Variants in PCDH7 observed in about 807,000 individuals in gnomAD.
PCDH7 encodes protocadherin 7.
In PCDH7, 17 loss-of-function variants were observed where a neutral mutation model predicts 58.9. The observed-to-expected ratio is 0.29, with a 90% CI of 0.20 to 0.43. PCDH7 has a LOEUF of 0.43. Ranked by LOEUF, PCDH7 falls within the 20% of genes least tolerant of loss-of-function variation. The probability of loss-of-function intolerance (pLI) is 1.00; values close to 1 mark genes in which losing one functional copy is unlikely to be tolerated. For synonymous variants in PCDH7, 664 were observed against 616.4 expected, an observed-to-expected ratio of 1.08 and a Z score of -1.14; for missense variants, 1,274 against 1,441.0, an observed-to-expected ratio of 0.88 and a Z score of 1.88.
intron 3 of PCDH7, among the ~76,000 whole-genome samples, chr4:31,094,726 A>C (rs965067508): frequency 4.6e-5 from 7 of 152,120 alleles, no homozygotes; most frequent in African/African-American, 1.7e-4. Context: ...AACAAACAAA[A>C]AAAAATTGTA....
intron 1 of PCDH7, among the ~76,000 whole-genome samples, chr4:30,811,034 T>C (rs940329940): frequency 3.3e-5 from 5 of 152,248 alleles, no homozygotes; most frequent in South Asian, 2.1e-4. Flanking sequence ...TCATAAAAGC[T>C]AATTGTGACT....
intron 3 of PCDH7, among the ~76,000 whole-genome samples, chr4:31,000,151 A>T (rs1373873154): frequency 2.0e-5 from 3 of 152,120 alleles, no homozygotes; most frequent in Non-Finnish European, 4.4e-5. Context: ...TCATGGTCCC[A>T]TCTGGAATAG....
At chr4:31,082,890 C>G (rs185374402) in intron 3 of PCDH7, among the ~76,000 whole-genome samples, 2 of 152,068 alleles carry the variant, frequency 1.3e-5, no homozygotes, top group Admixed American at 6.6e-5. Flanking sequence ...GGGCGGATCA[C>G]GAGGTCAGGA....
intron 3 of PCDH7, among the ~76,000 whole-genome samples, chr4:31,077,334 A>G (rs1015976665): frequency 6.6e-6 from 1 of 150,620 alleles, no homozygotes; most frequent in Non-Finnish European, 1.5e-5. Context: ...ACTTGAGCCC[A>G]GGAGGCAGAG....
chr4:30,788,978 C>T (rs1274384234), intron 1 of PCDH7, among the ~76,000 whole-genome samples: 1 of 152,110 alleles, frequency 6.6e-6, no homozygotes, highest in African/African-American at 2.4e-5. Context: ...ATTGATCATT[C>T]ATATTAAGAG....
intron 1 of PCDH7, among the ~76,000 whole-genome samples, chr4:30,822,646 A>G (rs1430468462): frequency 6.6e-6 from 1 of 152,026 alleles, no homozygotes; most frequent in Admixed American, 6.6e-5. Flanking sequence ...TAGACATTTC[A>G]AATACTGGGC....
chr4:30,859,318 T>C (rs1197914032), intron 1 of PCDH7, among the ~76,000 whole-genome samples: 2 of 152,180 alleles, frequency 1.3e-5, no homozygotes, highest in Non-Finnish European at 2.9e-5. Flanking sequence ...TGACATCAGA[T>C]TAGGTCAATA....
chr4:31,060,925 G>A (rs913265234), intron 3 of PCDH7, among the ~76,000 whole-genome samples: 2 of 151,692 alleles, frequency 1.3e-5, no homozygotes, highest in Admixed American at 6.6e-5. Context: ...TTTAGGGAAA[G>A]TTTTCATTAT....
intron 1 of PCDH7, among the ~76,000 whole-genome samples, chr4:30,809,021 A>T (rs1022847006): frequency 6.6e-6 from 1 of 152,200 alleles, no homozygotes; most frequent in Non-Finnish European, 1.5e-5. Context: ...AAAATATGCA[A>T]TTATGAAATA....
At chr4:30,983,180 G>T (rs1348817603) in intron 3 of PCDH7, among the ~76,000 whole-genome samples, 1 of 152,070 alleles carries the variant, frequency 6.6e-6, no homozygotes, top group African/African-American at 2.4e-5. Context: ...CATTTGAAAA[G>T]AATATTATCT....
chr4:31,128,602 G>T (rs746211768), intron 3 of PCDH7, among the ~76,000 whole-genome samples: 4 of 152,042 alleles, frequency 2.6e-5, no homozygotes, highest in African/African-American at 7.2e-5. Context: ...TCGTGACAAC[G>T]CTAAAATAAC....
intron 3 of PCDH7, among the ~76,000 whole-genome samples, chr4:31,109,251 C>G (rs1380517631): frequency 2.0e-5 from 3 of 152,148 alleles, no homozygotes; most frequent in Non-Finnish European, 4.4e-5. Context: ...GCAAAATATG[C>G]ATTGATATGG....
chr4:30,780,849 G>A lies in PCDH7; in HGVS notation c.70+56253G>A, dbSNP rs139704459. Among the ~76,000 whole-genome samples, 1,108 of 152,224 alleles carry A rather than the reference G, an allele frequency of 7.3e-3. 12 individuals are homozygous for A. Among genetic ancestry groups the A allele is most frequent in the African/African-American group, 0.025 (1,022 of 41,532 alleles). ...GACAATAGGAAAAACAGCTCATGAC[G>A]GAGCTGAGTGGAATTAAGAAAATCT... On this transcript the variant is annotated intron_variant, in intron 1 of 3. Coordinates refer to the PCDH7 transcript ENST00000509759.
At chr4:30,948,064 G>A (rs527413764) in intron 2 of PCDH7, among the ~76,000 whole-genome samples, 69 of 143,372 alleles carry the variant, frequency 4.8e-4, no homozygotes, top group African/African-American at 1.9e-3. Context: ...TGCTATTTAT[G>A]AAATCATTTT....
chr4:30,946,810 C>G (rs1446589775), intron 2 of PCDH7, among the ~76,000 whole-genome samples: 2 of 151,416 alleles, frequency 1.3e-5, no homozygotes, highest in Non-Finnish European at 2.9e-5. Context: ...TGTGTTCAAG[C>G]ATTTCTCTCC....
At chr4:30,887,803 A>C (rs1738024652) in intron 1 of PCDH7, among the ~76,000 whole-genome samples, 1 of 151,956 alleles carries the variant, frequency 6.6e-6, no homozygotes, top group South Asian at 2.1e-4. Flanking sequence ...CACGGCATTG[A>C]TCAGATTTTC....
intron 3 of PCDH7, among the ~76,000 whole-genome samples, chr4:31,134,777 G>A (rs981970000): frequency 6.6e-6 from 1 of 152,160 alleles, no homozygotes; most frequent in East Asian, 1.9e-4. Context: ...TGCTGGGTCA[G>A]CTGGGTCTCT....
intron 3 of PCDH7, among the ~76,000 whole-genome samples, chr4:30,973,781 C>A (rs1424960853): frequency 6.6e-6 from 1 of 151,408 alleles, no homozygotes; most frequent in South Asian, 2.1e-4. Flanking sequence ...GTATTAGTTT[C>A]TATTGTAATC....
At chr4:30,862,323 T>G (rs780914249) in intron 1 of PCDH7, among the ~76,000 whole-genome samples, 5 of 152,196 alleles carry the variant, frequency 3.3e-5, no homozygotes, top group Non-Finnish European at 5.9e-5. Flanking sequence ...AGCTAACATA[T>G]TTCCTTTACA....
Sources: allele counts gnomAD v4.1 joint callset (sites outside exome capture counted in the v4.1 genomes callset), GRCh38; gene constraint gnomAD v4.1.1; transcripts MANE v1.5; gene names NCBI Gene and HGNC (gene_info 2026-07-23, HGNC 2026-07-21).